The following BRWD3 variants were observed in gnomAD, a reference collection of about 807,000 sequenced individuals.
BRWD3 encodes bromodomain and WD repeat-containing protein 3.
Under a neutral mutation model 149.7 loss-of-function variants are expected in BRWD3, and 10 were observed. The observed-to-expected ratio is 0.07, with a 90% CI of 0.04 to 0.11. The LOEUF is 0.11. Ranked by LOEUF, BRWD3 falls within the 10% of genes least tolerant of loss-of-function variation. The pLI is 1.00. For synonymous variants in BRWD3, 504 were observed against 456.7 expected (o/e 1.10, Z -1.32); for missense variants, 940 against 1,373.2 (o/e 0.68, Z 4.99).
rs2072629965 is a variant in BRWD3, at chrX:80,692,800, T to C, written c.3263+140A>G. The C allele has an allele frequency of 1.0e-5, 5 of 491,409 alleles. No individual in the cohort carries two copies. The South Asian group carries it at 1.4e-4, about 14-fold the overall frequency. 40.5% of individuals were successfully genotyped at this position (491,409 alleles called of 1,213,427 possible). On this transcript the variant is annotated intron_variant, in intron 28 of 40. Transcript: ENST00000373275. The stretch of plus-strand genomic sequence containing the variant: ...AAGGGAAGAACTGAGCATTTTACCA[T>C]CAAATTTCTTCTTTACAGGTACAGG...
At chrX:80,780,955 C>T (rs1011279992) in intron 6 of BRWD3, among the ~76,000 whole-genome samples, 3 of 111,723 alleles carry the variant, frequency 2.7e-5, no homozygotes, top group Non-Finnish European at 3.8e-5. Flanking sequence ...TGAATTCTGG[C>T]ATGAAGAGTG....
chrX:80,721,131 T>C (rs891540241), intron 17 of BRWD3, among the ~76,000 whole-genome samples: 10 of 112,382 alleles, frequency 8.9e-5, no homozygotes, highest in African/African-American at 2.6e-4. Context: ...AAAATTTTTA[T>C]ATACACTGAA....
chrX:80,715,671 T>C (rs747627210), intron 20 of BRWD3, among the ~76,000 whole-genome samples: 3 of 112,145 alleles, frequency 2.7e-5, no homozygotes, highest in Non-Finnish European at 3.8e-5. Context: ...AGTCATACAA[T>C]CTCTGTTACA....
chrX:80,741,450 G>GT (rs2073500163), intron 8 of BRWD3, among the ~76,000 whole-genome samples: 1 of 111,709 alleles, frequency 9.0e-6, no homozygotes, highest in South Asian at 3.8e-4. Context: ...GGGTCAAATG[G>GT]TATTTCTAGT....
intron 6 of BRWD3, among the ~76,000 whole-genome samples, chrX:80,776,842 A>G (rs1442738984): frequency 1.8e-5 from 2 of 110,871 alleles, no homozygotes; most frequent in African/African-American, 3.3e-5. Flanking sequence ...ACTTGTTCCA[A>G]TTTGCCTCAG....
At chrX:80,735,250 C>T in intron 9 of BRWD3, 53 bp from the exon 10 acceptor site, 1 of 992,306 alleles carries the variant, frequency 1.0e-6, no homozygotes, top group Non-Finnish European at 1.4e-6. Context: ...GCTAATGGGC[C>T]AGAATGTTAG....
intron 6 of BRWD3, among the ~76,000 whole-genome samples, chrX:80,748,662 T>C (rs2073626124): frequency 9.0e-6 from 1 of 111,213 alleles, no homozygotes; most frequent in African/African-American, 3.3e-5. Context: ...TTGTCAATAT[T>C]GTTTACCTTT....
At chrX:80,723,223 T>C (rs1168015250) in intron 16 of BRWD3, among the ~76,000 whole-genome samples, 1 of 111,478 alleles carries the variant, frequency 9.0e-6, no homozygotes, top group Non-Finnish European at 1.9e-5. Flanking sequence ...CTGATATTAA[T>C]GCAATTATTG....
At chrX:80,807,867 G>C (rs533510896) in intron 4 of BRWD3, among the ~76,000 whole-genome samples, 2 of 111,580 alleles carry the variant, frequency 1.8e-5, no homozygotes, top group East Asian at 5.6e-4. Flanking sequence ...ATGCAAATGC[G>C]ACTTAACTGA....
chrX:80,704,982 T>C, intron 22 of BRWD3, 136 bp from the exon 23 acceptor site: 1 of 646,917 alleles, frequency 1.5e-6, no homozygotes, highest in South Asian at 2.7e-5. Flanking sequence ...AGAGAAAAAA[T>C]ATCATCCAGG....
intron 6 of BRWD3, among the ~76,000 whole-genome samples, chrX:80,752,826 A>C (rs772658907): frequency 1.2e-4 from 13 of 110,634 alleles, no homozygotes; most frequent in African/African-American, 3.9e-4. Context: ...CACCACACCC[A>C]GCTAATTTTT....
chrX:80,714,660 G>A (rs1359674991), intron 20 of BRWD3, among the ~76,000 whole-genome samples: 2 of 111,900 alleles, frequency 1.8e-5, no homozygotes, highest in Non-Finnish European at 3.8e-5. Context: ...AGGATCTCCT[G>A]AGGGCTGTGC....
At chrX:80,783,248 A>G (rs2074073703) in intron 6 of BRWD3, among the ~76,000 whole-genome samples, 1 of 110,119 alleles carries the variant, frequency 9.1e-6, no homozygotes, top group Admixed American at 9.8e-5. Flanking sequence ...TTAGCCAGGC[A>G]TAGTAGTGCA....
intron 8 of BRWD3, chrX:80,743,561 C>T (rs981079121): frequency 1.8e-5 from 2 of 112,139 alleles, no homozygotes; most frequent in Non-Finnish European, 3.7e-5. Context: ...TTAATTATTG[C>T]CTCAATTTCC....
intron 24 of BRWD3, among the ~76,000 whole-genome samples, chrX:80,701,820 CATTGA>C (rs1227564640): frequency 9.0e-6 from 1 of 110,647 alleles, no homozygotes; most frequent in East Asian, 2.8e-4. Flanking sequence ...AAATACTGAT[CATTGA>C]ACATCTATGT....
chrX:80,685,602 C>T, intron 35 of BRWD3, 66 bp from the exon 36 acceptor site: 2 of 857,555 alleles, frequency 2.3e-6, no homozygotes, highest in South Asian at 2.1e-5. Flanking sequence ...ACGTGTAATA[C>T]AATTATGACT....
Position 80,808,994 on chromosome X carries a change from T to C in BRWD3, c.120+19A>G. The C allele has an allele frequency of 8.4e-7, 1 of 1,195,617 alleles. No homozygotes were observed. Among genetic ancestry groups the C allele is most frequent in the African/African-American group, 1.8e-5 (1 of 57,128 alleles). On this transcript the variant is annotated intron_variant, in intron 3 of 40. Coordinates refer to ENST00000373275, the MANE Select transcript of BRWD3 (RefSeq NM_153252.5). The stretch of plus-strand genomic sequence containing the variant: ...GTCTCACCTCAACCCTCCCCACCCT[T>C]CCCGAAGGGGCTCCGTACCTGATGC...
At chrX:80,751,030 T>A (rs1280590523) in intron 6 of BRWD3, among the ~76,000 whole-genome samples, 1 of 111,233 alleles carries the variant, frequency 9.0e-6, no homozygotes, top group East Asian at 2.8e-4. Context: ...ATATCATTTA[T>A]GTAGAAGCTA....
chrX:80,683,312 G>T (rs1178544210), intron 37 of BRWD3, among the ~76,000 whole-genome samples: 1 of 111,585 alleles, frequency 9.0e-6, no homozygotes, highest in Non-Finnish European at 1.9e-5. Flanking sequence ...GTAAAAATAG[G>T]TGATAGGTTT....
Sources: allele counts gnomAD v4.1 joint callset (sites outside exome capture counted in the v4.1 genomes callset), GRCh38; gene constraint gnomAD v4.1.1; transcripts MANE v1.5; gene names NCBI Gene and HGNC (gene_info 2026-07-23, HGNC 2026-07-21).